Variants in VKORC1 observed in about 807,000 individuals in gnomAD.
VKORC1 encodes phylloquinone epoxide reductase.
In VKORC1, 12 loss-of-function variants were observed where a neutral mutation model predicts 14.8. The observed-to-expected ratio is 0.81, with a 90% confidence interval of 0.52 to 1.31. The LOEUF (loss-of-function observed/expected upper bound fraction) is 1.31, where lower values mean the gene tolerates loss of function less well. VKORC1 is among the 50% of genes most tolerant of loss of function. The pLI, the probability that VKORC1 is intolerant of heterozygous loss-of-function variation, is 0.00. For missense variants in VKORC1, 223 were observed against 215.3 expected (o/e 1.04, Z -0.22); for synonymous variants, 94 against 92.5 (o/e 1.02, Z -0.09).
intron 2 of VKORC1, 114 bp downstream of exon 2, chr16:31,093,198 A>T: frequency 9.1e-7 from 1 of 1,094,304 alleles, no homozygotes; most frequent in Non-Finnish European, 1.3e-6. Context: ...CGTGATGAGC[A>T]GCTAGCTGGC....
chr16:31,094,641 T>C lies in VKORC1; in HGVS notation c.89A>G (p.Lys30Arg), dbSNP rs780403529. The C allele has an allele frequency of 1.9e-6, 3 of 1,607,262 alleles. No individual in the cohort carries two copies. Among genetic ancestry groups the C allele is most frequent in the East Asian group, 2.2e-5 (1 of 44,710 alleles). The stretch of plus-strand genomic sequence containing the variant: ...ATCCCGGTCCCGGGCGCGCGCCGCC[T>C]TCACGTGCAGCGCGTAGAGCGAGAG... ...LVLSLYALHV[K>R]AARARDRDYR... Residue 30 changes from lysine (K) to arginine (R), a missense_variant, in exon 1 of 3, where the codon AAG becomes AGG. Coordinates refer to ENST00000394975, the MANE Select transcript of VKORC1 (RefSeq NM_024006.6).
chr16:31,094,638 G>T lies in VKORC1; in HGVS notation c.92C>A (p.Ala31Glu). The change falls in exon 1 of 3, where the codon GCG becomes GAG. Residue 31 changes from alanine to glutamate, a missense_variant. Coordinates refer to ENST00000394975, the MANE Select transcript of VKORC1 (RefSeq NM_024006.6). Reference protein sequence around the residue: ...VLSLYALHVKAARARDRDYRA... With the variant: ...VLSLYALHVKEARARDRDYRA... ...GTAATCCCGGTCCCGGGCGCGCGCC[G>T]CCTTCACGTGCAGCGCGTAGAGCGA... is the stretch of plus-strand genomic sequence containing the variant. 1 of 1,606,162 alleles carries T rather than the reference G, an allele frequency of 6.2e-7. No homozygotes were observed. Among genetic ancestry groups the T allele is most frequent in the East Asian group, 2.2e-5 (1 of 44,672 alleles).
At chr16:31,093,842 G>C (rs1293383385) in intron 1 of VKORC1, 1 of 281,172 alleles carries the variant, frequency 3.6e-6, no homozygotes, top group Admixed American at 5.0e-5. Context: ...CGAGTAGCTG[G>C]GATTAAGGCA....
At chr16:31,094,367 TG>T in intron 1 of VKORC1, 189 bp downstream of exon 1, 1 of 1,612,962 alleles carries the variant, frequency 6.2e-7, no homozygotes, top group African/African-American at 1.3e-5. Context: ...CAGCACTGTC[TG>T]GTCCCTTGCC....
intron 1 of VKORC1, chr16:31,094,077 G>C: frequency 7.7e-7 from 1 of 1,297,222 alleles, no homozygotes; most frequent in African/African-American, 1.5e-5. Flanking sequence ...GGGAGTCGGG[G>C]GCAGATTATC....
At chr16:31,091,881 C>T (rs929129282) in intron 2 of VKORC1, among the ~76,000 whole-genome samples, 5 of 150,508 alleles carry the variant, frequency 3.3e-5, no homozygotes, top group African/African-American at 7.3e-5. Flanking sequence ...AGCAAGACTT[C>T]GTCTCAAAAA....
At chr16:31,094,473 AC>A (rs1379281308) in intron 1 of VKORC1, 83 bp downstream of exon 1, 20 of 1,612,780 alleles carry the variant, frequency 1.2e-5, no homozygotes, top group Non-Finnish European at 1.6e-5. Context: ...TTCCCCGGGC[AC>A]ACCGATCCCA....
rs2057303123 is a variant in VKORC1 at position 31,093,319 on chromosome 16, T to C, written c.276A>G (p.Leu92=). 1.2e-6 allele frequency: 2 copies of C among 1,613,548 alleles called. No individual in the cohort carries two copies. Among genetic ancestry groups the C allele is most frequent in the East Asian group, 2.2e-5 (1 of 44,856 alleles). Residue 92 remains leucine (L), a synonymous_variant, in exon 2 of 3, where the codon CTA becomes CTG. Coordinates refer to ENST00000394975, the MANE Select transcript of VKORC1 (RefSeq NM_024006.6). ...GGGGGCGGAGCCACTCACCTAACAA[T>C]AGCTGTAGTGTGTAGAAGATGCAAC... ...IFGCIFYTLQ[L]LLGCLRTRWA...
At chr16:31,093,893 G>GT (rs2057309021) in intron 1 of VKORC1, 1 of 315,254 alleles carries the variant, frequency 3.2e-6, no homozygotes, top group Non-Finnish European at 5.9e-6. Context: ...TTTTGGTAGA[G>GT]ACAGGCTTTC....
rs141158294 is a variant in VKORC1, at chr16:31,094,469, G to A, written c.173+88C>T. The A allele has an allele frequency of 3.1e-4, 498 of 1,612,810 alleles. No individual in the cohort carries two copies. The African/African-American group carries it at 5.9e-3, about 19-fold the overall frequency. Reference sequence around the variant, plus strand: ...CAGTCCAGCCCCGTGTCCGTTCCCCGGGCACACCGATCCCAGACTCCAGAA... The same window carrying A: ...CAGTCCAGCCCCGTGTCCGTTCCCCAGGCACACCGATCCCAGACTCCAGAA... On this transcript the variant is annotated intron_variant, in intron 1 of 2. Transcript: ENST00000394975.
Position 31,092,176 on chromosome 16 carries a change from CAAAAAAAAAAAAAAA to C in VKORC1, c.284-849_284-835del, listed in dbSNP as rs35224256. Among the ~76,000 whole-genome samples, 4 of 37,200 alleles carry C rather than the reference CAAAAAAAAAAAAAAA, an allele frequency of 1.1e-4. No homozygotes were observed. The South Asian group carries it at 6.9e-3, about 64-fold the overall frequency. 24.4% of individuals were successfully genotyped at this position (37,200 alleles called of 152,430 possible). A position where few individuals can be genotyped will look rare whatever the true frequency, so the allele number is the denominator to read the frequency against. On this transcript the variant is annotated intron_variant, in intron 2 of 2. Coordinates refer to ENST00000394975, the MANE Select transcript of VKORC1 (RefSeq NM_024006.6). ...CTGGTGACAGAGCGAGACTATGTCG[CAAAAAAAAAAAAAAA>C]AAAAAAAAAAAAATTAGCTGGGTGC...
chr16:31,093,699 CTTTTT>C (rs71151446), intron 1 of VKORC1: 52 of 68,084 alleles, frequency 7.6e-4, no homozygotes, highest in East Asian at 2.2e-3. Context: ...AAGTAAGTCT[CTTTTT>C]TTTTTTTTTT....
In VKORC1 at chr16:31,091,078, C is replaced by T; in HGVS notation, c.*56G>A. The stretch of plus-strand genomic sequence containing the variant: ...AGGGACCCAGATATGCCCCCTTAGG[C>T]AAGGCTCACATGCCAAAGCAAAGCA... On this transcript the variant is annotated 3_prime_UTR_variant, in exon 3 of 3. Coordinates refer to ENST00000394975, the MANE Select transcript of VKORC1 (RefSeq NM_024006.6). The T allele has an allele frequency of 1.2e-6, 2 of 1,602,230 alleles. No individual in the cohort carries two copies. The highest frequency in any genetic ancestry group is 1.7e-6 in the Non-Finnish European group (2 of 1,175,212).
intron 1 of VKORC1, chr16:31,094,029 G>C: frequency 3.1e-6 from 3 of 954,508 alleles, no homozygotes; most frequent in Non-Finnish European, 3.0e-6. Context: ...AAATGGCAAG[G>C]CTGGTATAAC....
chr16:31,091,318 G>T lies in VKORC1; in HGVS notation c.308C>A (p.Ser103Tyr). ...LLGCLRTRWA[S>Y]VLMLLSSLVS... The stretch of plus-strand genomic sequence containing the variant: ...CAGGGAGCTCAGCAGCATCAGGACA[G>T]AGGCCCAGCGTGTCCGCAGGCAACC... The change falls in exon 3 of 3, where the codon TCT (serine) becomes TAT (tyrosine). Residue 103 changes from serine (S) to tyrosine (Y), a missense_variant. Physicochemically the swap from Ser to Tyr is moderately radical, Grantham distance 144. Coordinates refer to ENST00000394975, the MANE Select transcript of VKORC1 (RefSeq NM_024006.6). 6.2e-7 allele frequency: 1 copy of T among 1,614,076 alleles called. No individual in the cohort carries two copies. The highest frequency in any genetic ancestry group is 8.5e-7 in the Non-Finnish European group (1 of 1,180,020).
In VKORC1 at chr16:31,091,355, A is replaced by G; in HGVS notation, c.284-13T>C. 1 of 1,610,762 alleles carries G rather than the reference A, an allele frequency of 6.2e-7. No homozygotes were observed. Among genetic ancestry groups the G allele is most frequent in the Non-Finnish European group, 8.5e-7 (1 of 1,178,528 alleles). ...GTCCGCAGGCAACCTGCAAGGCAGA[A>G]GAGGGTCCGGTGTGGGCTTCAGGCA... On this transcript the variant is annotated splice_polypyrimidine_tract_variant and intron_variant, in intron 2 of 2. Transcript: ENST00000394975.
rs35224256 is a variant in VKORC1 at position 31,092,176 on chromosome 16, C to CAAAAA, written c.284-839_284-835dup. Reference sequence around the variant, plus strand: ...CTGGTGACAGAGCGAGACTATGTCGCAAAAAAAAAAAAAAAAAAAAAAAAA... The same window carrying CAAAAA: ...CTGGTGACAGAGCGAGACTATGTCGCAAAAAAAAAAAAAAAAAAAAAAAAAAAAAA... On this transcript the variant is annotated intron_variant, in intron 2 of 2. Coordinates refer to ENST00000394975, the MANE Select transcript of VKORC1 (RefSeq NM_024006.6). 9.4e-4 allele frequency among the ~76,000 whole-genome samples: 35 copies of CAAAAA among 37,192 alleles called. 6 individuals carry two copies. Among genetic ancestry groups the CAAAAA allele is most frequent in the Admixed American group, 9.8e-4 (2 of 2,046 alleles). The allele number at this position is 37,192 out of a possible 152,430, so 24.4% of individuals were successfully genotyped here.
intron 1 of VKORC1, chr16:31,094,306 T>G (rs2057312609): frequency 6.2e-7 from 1 of 1,612,938 alleles, no homozygotes; most frequent in Non-Finnish European, 8.5e-7. Context: ...TGGTCACCGT[T>G]ATTCCTTGGC....
rs757332613 is a variant in VKORC1, at chr16:31,094,725, C to T, written c.5G>A (p.Gly2Asp). The change falls in exon 1 of 3, where the codon GGC becomes GAC. Residue 2 changes from glycine to aspartate, a missense_variant. By Grantham distance (94) the Gly-to-Asp change is moderately conservative. Transcript: ENST00000394975. M[G>D]STWGSPGWVR... ...CCAGCCAGGGCTCCCCCAGGTGCTG[C>T]CCATTATCTCCAGGTTCCGCCCGAG... 6.9e-6 allele frequency: 11 copies of T among 1,603,650 alleles called. No homozygotes were observed. The South Asian group carries it at 1.0e-4, about 15-fold the overall frequency.
Sources: allele counts gnomAD v4.1 joint callset (sites outside exome capture counted in the v4.1 genomes callset), GRCh38; gene constraint gnomAD v4.1.1; transcripts MANE v1.5; gene names NCBI Gene and HGNC (gene_info 2026-07-23, HGNC 2026-07-21).